The following DOCK10 variants were observed in gnomAD, a reference collection of about 807,000 sequenced individuals.
The protein encoded by DOCK10 is dedicator of cytokinesis 10.
A neutral mutation model predicts 280.1 loss-of-function variants in DOCK10; 145 were observed. That is an observed-to-expected ratio of 0.52 (90% CI 0.45 to 0.59). The LOEUF (loss-of-function observed/expected upper bound fraction) is 0.59, where lower values mean the gene tolerates loss of function less well. Among genes scored for constraint, DOCK10 ranks in the 20% least tolerant of loss-of-function variants. DOCK10 has a pLI of 0.00. For missense variants in DOCK10, 2,368 were observed against 2,651.7 expected (o/e 0.89, Z 2.35); for synonymous variants, 915 against 942.2 (o/e 0.97, Z 0.53).
intron 1 of DOCK10, among the ~76,000 whole-genome samples, chr2:224,967,731 TAA>T (rs965848270): frequency 7.0e-6 from 1 of 143,760 alleles, no homozygotes; most frequent in African/African-American, 2.5e-5. Context: ...ATCCATATTG[TAA>T]AAAAAAAAAA....
chr2:225,042,388 A>G lies in DOCK10; in HGVS notation c.-14T>C. On this transcript the variant is annotated 5_prime_UTR_variant, in exon 1 of 56. Coordinates refer to ENST00000258390, the MANE Select transcript of DOCK10 (RefSeq NM_014689.3). The surrounding 1 kb of genome is among the most constrained non-coding windows in gnomAD (Gnocchi z 5.1). Reference sequence around the variant, plus strand: ...CTCACCGGCCATCGCCGGTCACGCCAATCGCGCCGCGGGCCCGGGGCGCGC... The same window carrying G: ...CTCACCGGCCATCGCCGGTCACGCCGATCGCGCCGCGGGCCCGGGGCGCGC... The G allele has an allele frequency of 8.1e-7, 1 of 1,239,438 alleles. No homozygotes were observed. The highest frequency in any genetic ancestry group is 1.0e-6 in the Non-Finnish European group (1 of 990,314). The allele number at this position is 1,239,438 out of a possible 1,614,324, so 76.8% of individuals were successfully genotyped here. A position where few individuals can be genotyped will look rare whatever the true frequency, so the allele number is the denominator to read the frequency against.
intron 53 of DOCK10, among the ~76,000 whole-genome samples, chr2:224,771,611 T>C (rs1349156974): frequency 6.6e-6 from 1 of 152,240 alleles, no homozygotes; most frequent in Non-Finnish European, 1.5e-5. Context: ...TTAATGTGGC[T>C]GTCAGGCTTG....
At chr2:224,850,479 C>G (rs1282527104) in intron 18 of DOCK10, among the ~76,000 whole-genome samples, 1 of 152,156 alleles carries the variant, frequency 6.6e-6, no homozygotes, top group Non-Finnish European at 1.5e-5. Flanking sequence ...TGACCTGGGA[C>G]AACGGTCAGT....
intron 1 of DOCK10, among the ~76,000 whole-genome samples, chr2:225,014,267 AG>A (rs1487333258): frequency 6.6e-6 from 1 of 151,882 alleles, no homozygotes. Context: ...GTAAACTAAA[AG>A]GTTTTTTATA....
Position 224,770,232 on chromosome 2 carries a change from G to A in DOCK10, c.6423C>T (p.Leu2141=). ...RSHYKDMLSE[L]STVMNEQITG... ...TCACCTGCTCATTCATGACTGTGGA[G>A]AGTTCGCTGAGCATGTCCTTGTAGT... Residue 2141 remains leucine, a synonymous_variant, in exon 55 of 56, where the codon CTC becomes CTT. Coordinates refer to ENST00000258390, the MANE Select transcript of DOCK10 (RefSeq NM_014689.3). This position sits in a 1 kb window ranked among gnomAD's most constrained non-coding sequence, Gnocchi z 4.5. 1 of 1,596,608 alleles carries A rather than the reference G, an allele frequency of 6.3e-7. No homozygotes were observed. The highest frequency in any genetic ancestry group is 1.1e-5 in the South Asian group (1 of 87,640).
intron 1 of DOCK10, among the ~76,000 whole-genome samples, chr2:225,016,504 T>C (rs1339691382): frequency 2.0e-5 from 3 of 149,060 alleles, no homozygotes; most frequent in Admixed American, 2.0e-4. Context: ...TGTGTATACA[T>C]ATATATGTAT....
chr2:224,864,893 T>C lies in DOCK10; in HGVS notation c.1452A>G (p.Pro484=), dbSNP rs1208625899. ...GCTTTGGAAATTTTAGCCATTCCTC[T>C]GGAAGTCCCTTGATGTGAGGTTCTT... ...QSEEPHIKGL[P]EEWLKFPKQA... Residue 484 remains proline, a synonymous_variant, in exon 12 of 56, where the codon CCA becomes CCG. Coordinates refer to ENST00000258390, the MANE Select transcript of DOCK10 (RefSeq NM_014689.3). 1 of 1,614,016 alleles carries C rather than the reference T, an allele frequency of 6.2e-7. No homozygotes were observed.
intron 11 of DOCK10, among the ~76,000 whole-genome samples, chr2:224,866,278 T>A (rs1697905932): frequency 6.6e-6 from 1 of 152,208 alleles, no homozygotes; most frequent in African/African-American, 2.4e-5. Context: ...GGACATATAT[T>A]CTGACATAAA....
intron 1 of DOCK10, among the ~76,000 whole-genome samples, chr2:224,989,660 G>T (rs926130624): frequency 6.6e-6 from 1 of 152,138 alleles, no homozygotes; most frequent in African/African-American, 2.4e-5. Flanking sequence ...TTCCAGATGG[G>T]TAAGCCCCCC....
intron 1 of DOCK10, among the ~76,000 whole-genome samples, chr2:225,031,077 A>G (rs1690061455): frequency 6.6e-6 from 1 of 152,220 alleles, no homozygotes; most frequent in Non-Finnish European, 1.5e-5. Flanking sequence ...TATGGAGACT[A>G]TAACCACAGT....
intron 11 of DOCK10, among the ~76,000 whole-genome samples, chr2:224,866,975 T>G (rs894533119): frequency 2.6e-5 from 4 of 151,884 alleles, no homozygotes; most frequent in Admixed American, 2.0e-4. Context: ...TTCCTTACAG[T>G]GAGGGTGACA....
chr2:224,831,400 A>C (rs1368884), intron 26 of DOCK10, among the ~76,000 whole-genome samples: 28,608 of 152,202 alleles, frequency 0.19, 4,235 homozygotes, highest in African/African-American at 0.42. Flanking sequence ...ACAAAACTTC[A>C]TAACACCTTG....
intron 1 of DOCK10, among the ~76,000 whole-genome samples, chr2:224,977,417 G>T (rs187158153): frequency 6.6e-6 from 1 of 152,088 alleles, no homozygotes; most frequent in East Asian, 1.9e-4. Context: ...ATTCTCTTTC[G>T]GGGGAAGGGG....
intron 1 of DOCK10, among the ~76,000 whole-genome samples, chr2:225,018,750 T>TAC (rs1379836785): frequency 2.0e-5 from 1 of 49,982 alleles, no homozygotes; most frequent in Non-Finnish European, 5.1e-5. Context: ...TATATACACA[T>TAC]ACACATATGT....
chr2:224,807,590 G>A (rs1693479550), intron 33 of DOCK10, 78 bp downstream of exon 33: 2 of 946,116 alleles, frequency 2.1e-6, no homozygotes, highest in Non-Finnish European at 1.6e-6. Flanking sequence ...AGAAGAAATG[G>A]TTATCCAGGG....
At chr2:225,026,278 A>G (rs2106113389) in intron 1 of DOCK10, among the ~76,000 whole-genome samples, 1 of 152,324 alleles carries the variant, frequency 6.6e-6, no homozygotes, top group East Asian at 1.9e-4. Flanking sequence ...ATAATCAAGA[A>G]CATTAGCAGC....
At chr2:225,031,422 G>A (rs966063468) in intron 1 of DOCK10, among the ~76,000 whole-genome samples, 2 of 152,180 alleles carry the variant, frequency 1.3e-5, no homozygotes, top group African/African-American at 2.4e-5. Context: ...CTATACCTTG[G>A]TATCAGTTGC....
intron 1 of DOCK10, among the ~76,000 whole-genome samples, chr2:225,014,081 A>ATATATATATATATATTTT (rs776104946): frequency 3.1e-4 from 30 of 96,818 alleles, no homozygotes; most frequent in South Asian, 2.1e-3. Flanking sequence ...GTCTGAATAT[A>ATATATATATATATATTTT]TTGTTTTTTT....
intron 55 of DOCK10, among the ~76,000 whole-genome samples, chr2:224,769,673 C>T (rs1690285729): frequency 6.6e-6 from 1 of 152,202 alleles, no homozygotes; most frequent in African/African-American, 2.4e-5. Context: ...GTACACATCC[C>T]AGACGTCACG....
Sources: allele counts gnomAD v4.1 joint callset (sites outside exome capture counted in the v4.1 genomes callset), GRCh38; gene constraint gnomAD v4.1.1; non-coding constraint Gnocchi (gnomAD v3.1); transcripts MANE v1.5; gene names NCBI Gene and HGNC (gene_info 2026-07-23, HGNC 2026-07-21).